Variants in CELA1 observed in about 807,000 individuals in gnomAD.
The protein encoded by CELA1 is chymotrypsin like elastase 1.
Under a neutral mutation model 34.8 loss-of-function variants are expected in CELA1, and 28 were observed. That is an observed-to-expected ratio of 0.80 (90% CI 0.60 to 1.10). CELA1 has a LOEUF of 1.10. Ranked by LOEUF, CELA1 falls within the 50% of genes least tolerant of loss-of-function variation. CELA1 has a pLI of 0.00. For synonymous variants in CELA1, 140 were observed against 129.8 expected (o/e 1.08, Z -0.53); for missense variants, 288 against 327.5 (o/e 0.88, Z 0.93).
chr12:51,333,625 T>G (rs1295356016), intron 6 of CELA1, among the ~76,000 whole-genome samples: 1 of 151,980 alleles, frequency 6.6e-6, no homozygotes, highest in Non-Finnish European at 1.5e-5. Context: ...ACTCCTGAGT[T>G]TAAGTGATCC....
intron 6 of CELA1, among the ~76,000 whole-genome samples, chr12:51,330,721 A>G (rs905967244): frequency 1.3e-5 from 2 of 152,252 alleles, no homozygotes; most frequent in Admixed American, 1.3e-4. Context: ...CTGTAATCCC[A>G]GCACTTTGGG....
At chr12:51,346,519 A>G in intron 1 of CELA1, 104 bp downstream of exon 1, 1 of 1,127,320 alleles carries the variant, frequency 8.9e-7, no homozygotes, top group Admixed American at 2.0e-5. Context: ...ACTTAGGGAA[A>G]ATTTGCTGAC....
intron 5 of CELA1, 59 bp downstream of exon 5, chr12:51,341,185 G>C: frequency 6.3e-7 from 1 of 1,599,004 alleles, no homozygotes; most frequent in Non-Finnish European, 8.6e-7. Flanking sequence ...AGGTGTCTTA[G>C]AAGCTCAGCT....
chr12:51,345,890 G>C lies in CELA1; in HGVS notation c.17-13C>G. 1 of 1,546,712 alleles carries C rather than the reference G, an allele frequency of 6.5e-7. No homozygotes were observed. The highest frequency in any genetic ancestry group is 8.8e-7 in the Non-Finnish European group (1 of 1,141,976). ...TGGGTGCTGTGTCCTTTGTGGGGCA[G>C]AAGAAAAGTGAGTGATGACTAAGCA... On this transcript the variant is annotated splice_polypyrimidine_tract_variant and intron_variant, in intron 1 of 7. Transcript: ENST00000293636.
intron 5 of CELA1, 103 bp downstream of exon 5, chr12:51,341,141 G>A: frequency 8.3e-7 from 1 of 1,211,738 alleles, no homozygotes; most frequent in South Asian, 1.3e-5. Flanking sequence ...TTAGCTCCTG[G>A]TCTCTGGCCA....
chr12:51,346,618 CTT>C lies in CELA1; in HGVS notation c.16+3_16+4del, dbSNP rs879184941. ...CAGGGTTGCGACTGGACCATATCCA[CTT>C]ACCATAAAGGACCAGCATGTTGCCG... On this transcript the variant is annotated splice_donor_region_variant and intron_variant, in intron 1 of 7. Coordinates refer to ENST00000293636, the MANE Select transcript of CELA1 (RefSeq NM_001971.6). The C allele has an allele frequency of 5.2e-6, 3 of 574,460 alleles. No homozygotes were observed. The highest frequency in any genetic ancestry group is 7.9e-5 in the Admixed American group (1 of 12,720). The allele number at this position is 574,460 out of a possible 1,614,324, so 35.6% of individuals were successfully genotyped here.
intron 6 of CELA1, among the ~76,000 whole-genome samples, chr12:51,334,162 G>GT (rs915247039): frequency 2.0e-5 from 3 of 152,136 alleles, no homozygotes; most frequent in Admixed American, 6.6e-5. Flanking sequence ...AAAAGTACTC[G>GT]TTTTTTTAGA....
At position 51,329,835 on chromosome 12, in the gene CELA1, T is replaced by C. The variant is rs1382306512; in HGVS notation, c.610-2A>G. On this transcript the variant is annotated splice_acceptor_variant, in intron 6 of 7. Transcript: ENST00000293636. LOFTEE classifies it high-confidence loss of function. Reference sequence around the variant, plus strand: ...ATGGAGGGGGCCCCCAGAGTCACCCTGCAGGGAGGAGAAACAGAATCCTAA... The same window carrying C: ...ATGGAGGGGGCCCCCAGAGTCACCCCGCAGGGAGGAGAAACAGAATCCTAA... 1.6e-5 allele frequency: 25 copies of C among 1,600,376 alleles called. No individual in the cohort carries two copies. Among genetic ancestry groups the C allele is most frequent in the Non-Finnish European group, 2.0e-5 (24 of 1,174,844 alleles).
At chr12:51,332,710 C>CA (rs1160928849) in intron 6 of CELA1, among the ~76,000 whole-genome samples, 1 of 151,380 alleles carries the variant, frequency 6.6e-6, no homozygotes, top group Admixed American at 6.6e-5. Context: ...ACTAAAAATA[C>CA]AAAAAAAATT....
At chr12:51,343,193 G>A (rs1384643686) in intron 3 of CELA1, among the ~76,000 whole-genome samples, 1 of 152,114 alleles carries the variant, frequency 6.6e-6, no homozygotes, top group East Asian at 1.9e-4. Flanking sequence ...TTTGAAGGAA[G>A]CATAGACTTT....
At chr12:51,343,704 CCCCTT>C in intron 3 of CELA1, 44 bp downstream of exon 3, 1 of 1,120,734 alleles carries the variant, frequency 8.9e-7, no homozygotes, top group African/African-American at 1.5e-5. Context: ...AGAAGGTCAG[CCCCTT>C]CCCCTTCCAG....
At position 51,340,022 on chromosome 12, in the gene CELA1, G is replaced by A. The variant is rs1034927661; in HGVS notation, c.464-17C>T. 6 of 1,607,280 alleles carry A rather than the reference G, an allele frequency of 3.7e-6. No homozygotes were observed. Among genetic ancestry groups the A allele is most frequent in the East Asian group, 2.2e-5 (1 of 44,686 alleles). ...GCCCATTGGCTGAACAGGACACACG[G>A]CATTGGCAGTCAGCTCCAGATGTGG... On this transcript the variant is annotated splice_polypyrimidine_tract_variant and intron_variant, in intron 5 of 7. Coordinates refer to ENST00000293636, the MANE Select transcript of CELA1 (RefSeq NM_001971.6).
chr12:51,329,943 A>G (rs12831721), intron 6 of CELA1, 110 bp from the exon 7 acceptor site: 255,121 of 975,672 alleles, frequency 0.26, 37,490 homozygotes, highest in Non-Finnish European at 0.31. Context: ...TAAAGCTCCA[A>G]TGCAAATCTC....
At chr12:51,344,188 A>G (rs1353473435) in intron 2 of CELA1, among the ~76,000 whole-genome samples, 1 of 152,166 alleles carries the variant, frequency 6.6e-6, no homozygotes, top group Non-Finnish European at 1.5e-5. Context: ...GGTAGTGGCC[A>G]CCTGGAGTGT....
At chr12:51,340,581 G>T (rs370774242) in intron 5 of CELA1, among the ~76,000 whole-genome samples, 79 of 151,982 alleles carry the variant, frequency 5.2e-4, no homozygotes, top group African/African-American at 1.8e-3. Flanking sequence ...TAGAGATGGG[G>T]TTTCTCCATG....
chr12:51,338,687 A>G (rs1039514901), intron 6 of CELA1, among the ~76,000 whole-genome samples: 4 of 152,308 alleles, frequency 2.6e-5, no homozygotes, highest in African/African-American at 9.6e-5. Flanking sequence ...ACATTGTATT[A>G]CAATGTTCTA....
chr12:51,340,745 C>T (rs1946529243), intron 5 of CELA1, among the ~76,000 whole-genome samples: 1 of 152,150 alleles, frequency 6.6e-6, no homozygotes, highest in Admixed American at 6.5e-5. Context: ...GTGGCACATG[C>T]CTGTAATCCC....
At chr12:51,329,116 T>G (rs1410251805) in intron 7 of CELA1, among the ~76,000 whole-genome samples, 1 of 151,878 alleles carries the variant, frequency 6.6e-6, no homozygotes, top group Non-Finnish European at 1.5e-5. Context: ...TTACCAGGTT[T>G]GGTGGTGCAT....
intron 6 of CELA1, among the ~76,000 whole-genome samples, chr12:51,333,730 A>C (rs554712915): frequency 2.0e-5 from 3 of 152,224 alleles, no homozygotes; most frequent in African/African-American, 7.2e-5. Flanking sequence ...CCTGTACTCC[A>C]CCCTAACTGC....
Sources: gnomAD v4.1 joint callset for allele counts (sites outside exome capture counted in the v4.1 genomes callset) on GRCh38, gnomAD v4.1.1 for gene constraint, MANE v1.5 for transcripts, NCBI Gene and HGNC (gene_info 2026-07-23, HGNC 2026-07-21) for gene names.